Variants in CACNA2D3 observed in about 807,000 individuals in gnomAD.
The protein encoded by CACNA2D3 is voltage-dependent calcium channel subunit alpha-2/delta-3.
CACNA2D3 carries 60 observed loss-of-function variants against 160.6 expected under a neutral mutation model. The ratio of observed to expected loss-of-function variants is 0.37; its 90% CI spans 0.30 to 0.46. The LOEUF (loss-of-function observed/expected upper bound fraction) is 0.46, where lower values mean the gene tolerates loss of function less well. Among genes scored for constraint, CACNA2D3 ranks in the 20% least tolerant of loss-of-function variants. The pLI is 1.00. For missense variants in CACNA2D3, 1,205 were observed against 1,365.0 expected (o/e 0.88, Z 1.85); for synonymous variants, 558 against 492.9 (o/e 1.13, Z -1.75).
intron 3 of CACNA2D3, among the ~76,000 whole-genome samples, chr3:54,342,623 G>A (rs62256101): frequency 0.09 from 13,734 of 152,190 alleles, 806 homozygotes; most frequent in East Asian, 0.18. Context: ...CAAACCAGTA[G>A]CTTAGGTGAC....
intron 4 of CACNA2D3, among the ~76,000 whole-genome samples, chr3:54,441,573 C>A (rs1178954897): frequency 2.0e-5 from 3 of 152,164 alleles, no homozygotes; most frequent in Non-Finnish European, 4.4e-5. Flanking sequence ...TGCCTATGTC[C>A]TGAATGGTAT....
intron 2 of CACNA2D3, among the ~76,000 whole-genome samples, chr3:54,253,533 C>T (rs963201324): frequency 6.6e-6 from 1 of 152,110 alleles, no homozygotes; most frequent in African/African-American, 2.4e-5. Flanking sequence ...GGTACTAAAC[C>T]ATTCATGAGT....
chr3:54,689,731 C>G (rs1700538499), intron 11 of CACNA2D3, among the ~76,000 whole-genome samples: 2 of 152,116 alleles, frequency 1.3e-5, no homozygotes. Context: ...GACACACACA[C>G]ACACACACCC....
At chr3:54,813,181 T>C (rs1416314823) in intron 13 of CACNA2D3, among the ~76,000 whole-genome samples, 1 of 152,230 alleles carries the variant, frequency 6.6e-6, no homozygotes, top group Non-Finnish European at 1.5e-5. Context: ...TATTCAGTTA[T>C]ACAGAGAATC....
intron 11 of CACNA2D3, among the ~76,000 whole-genome samples, chr3:54,724,414 G>A (rs1328031837): frequency 6.6e-6 from 1 of 152,004 alleles, no homozygotes; most frequent in East Asian, 1.9e-4. Flanking sequence ...TGGACCAAGG[G>A]GACCTAACAG....
chr3:54,520,513 T>C (rs1452757029), intron 5 of CACNA2D3, among the ~76,000 whole-genome samples: 1 of 152,232 alleles, frequency 6.6e-6, no homozygotes, highest in African/African-American at 2.4e-5. Flanking sequence ...GGGGAGCCTC[T>C]GGACACCAGA....
chr3:54,278,369 G>A (rs1410297399), intron 2 of CACNA2D3, among the ~76,000 whole-genome samples: 1 of 152,186 alleles, frequency 6.6e-6, no homozygotes, highest in Non-Finnish European at 1.5e-5. Context: ...GGAGAAATAG[G>A]AATGCTTTTA....
At chr3:54,390,062 G>A (rs1699253511) in intron 4 of CACNA2D3, among the ~76,000 whole-genome samples, 1 of 152,204 alleles carries the variant, frequency 6.6e-6, no homozygotes, top group South Asian at 2.1e-4. Flanking sequence ...TGACTGCTTT[G>A]TAAAATCTGT....
intron 3 of CACNA2D3, among the ~76,000 whole-genome samples, chr3:54,380,770 T>C (rs1449256405): frequency 1.3e-5 from 2 of 151,558 alleles, no homozygotes; most frequent in African/African-American, 4.9e-5. Context: ...GAATCTAGGG[T>C]AACAGTTCAA....
intron 27 of CACNA2D3, among the ~76,000 whole-genome samples, chr3:54,917,742 G>T (rs1002591965): frequency 1.3e-5 from 2 of 152,104 alleles, no homozygotes; most frequent in Non-Finnish European, 2.9e-5. Flanking sequence ...TCCTCTTTGT[G>T]TTTGTTTATA....
chr3:54,609,061 A>C (rs1472800184), intron 9 of CACNA2D3, among the ~76,000 whole-genome samples: 1 of 152,182 alleles, frequency 6.6e-6, no homozygotes, highest in Admixed American at 6.5e-5. Flanking sequence ...TTTAAGCCCT[A>C]ATCTTTAATG....
In CACNA2D3 at chr3:54,487,705, A is replaced by G. The variant is rs11929347; in HGVS notation, c.382-15787A>G. 7.4e-3 allele frequency among the ~76,000 whole-genome samples: 1,127 copies of G among 152,366 alleles called. 12 individuals are homozygous for G. The highest frequency in any genetic ancestry group is 0.025 in the African/African-American group (1,024 of 41,582). On this transcript the variant is annotated intron_variant, in intron 4 of 37. Coordinates refer to ENST00000474759, the MANE Select transcript of CACNA2D3 (RefSeq NM_018398.3). The stretch of plus-strand genomic sequence containing the variant: ...AAACGCTTTAGATATTGAATGCAAT[A>G]AAGAAAAAAAATAGGGGCATGGGCC...
chr3:54,822,957 C>A (rs1324873268), intron 14 of CACNA2D3, among the ~76,000 whole-genome samples: 1 of 151,458 alleles, frequency 6.6e-6, no homozygotes, highest in East Asian at 1.9e-4. Context: ...TGGGTTCAAG[C>A]GATTCTCTTG....
intron 27 of CACNA2D3, among the ~76,000 whole-genome samples, chr3:54,959,706 T>C (rs376637397): frequency 6.6e-6 from 1 of 152,234 alleles, no homozygotes; most frequent in Non-Finnish European, 1.5e-5. Context: ...GCCCGAGGCT[T>C]AAATGTTTTC....
At chr3:54,260,738 C>A (rs1341019833) in intron 2 of CACNA2D3, among the ~76,000 whole-genome samples, 1 of 152,080 alleles carries the variant, frequency 6.6e-6, no homozygotes, top group African/African-American at 2.4e-5. Context: ...CTTAAACATG[C>A]CAAGCCCTTT....
chr3:54,891,372 T>C lies in CACNA2D3; in HGVS notation c.2168T>C (p.Val723Ala). The change falls in exon 25 of 38, where the codon GTG (valine) becomes GCG (alanine). Residue 723 changes from valine (V) to alanine (A), a missense_variant. Coordinates refer to ENST00000474759, the MANE Select transcript of CACNA2D3 (RefSeq NM_018398.3). The stretch of plus-strand genomic sequence containing the variant: ...TGTTTCAGAAATTCTGACAAGGGCG[T>C]GGAGGTTGCCTTCCTCGGCACTCGC... ...LNKSENSDKGVEVAFLGTRTG... is the reference protein window; with the variant it reads ...LNKSENSDKGAEVAFLGTRTG... The C allele has an allele frequency of 6.2e-7, 1 of 1,613,858 alleles. No homozygotes were observed. The highest frequency in any genetic ancestry group is 8.5e-7 in the Non-Finnish European group (1 of 1,179,814).
intron 11 of CACNA2D3, among the ~76,000 whole-genome samples, chr3:54,684,006 T>C (rs944071020): frequency 1.5e-5 from 2 of 136,396 alleles, no homozygotes; most frequent in African/African-American, 5.6e-5. Flanking sequence ...GTTTCACTCA[T>C]GTAGCCCAAG....
chr3:54,867,775 T>C (rs1471091283), intron 17 of CACNA2D3, among the ~76,000 whole-genome samples: 1 of 152,218 alleles, frequency 6.6e-6, no homozygotes, highest in Non-Finnish European at 1.5e-5. Context: ...TAGCAACTCC[T>C]CTTTTCCTGG....
intron 31 of CACNA2D3, among the ~76,000 whole-genome samples, chr3:54,991,509 C>T (rs1299985864): frequency 6.6e-6 from 1 of 152,202 alleles, no homozygotes; most frequent in African/African-American, 2.4e-5. Flanking sequence ...AGGTGTGAGT[C>T]ATCATGCCCG....
Sources: allele counts gnomAD v4.1 joint callset (sites outside exome capture counted in the v4.1 genomes callset), GRCh38; gene constraint gnomAD v4.1.1; transcripts MANE v1.5; gene names NCBI Gene and HGNC (gene_info 2026-07-23, HGNC 2026-07-21).